RAB36: variants seen among roughly 807,000 people sequenced by gnomAD.
RAB36 encodes ras-related protein Rab-36.
Under a neutral mutation model 39.3 loss-of-function variants are expected in RAB36, and 33 were observed. That is an observed-to-expected ratio of 0.84 (90% confidence interval 0.64 to 1.12). RAB36 has a LOEUF of 1.12. Ranked by LOEUF, RAB36 falls within the 50% of genes most tolerant of loss-of-function variation. The pLI, the probability that RAB36 is intolerant of heterozygous loss-of-function variation, is 0.00. For missense variants in RAB36, 308 were observed against 355.3 expected (o/e 0.87, Z 1.07); for synonymous variants, 133 against 140.2 (o/e 0.95, Z 0.36).
intron 1 of RAB36, among the ~76,000 whole-genome samples, chr22:23,146,281 T>G (rs2070765115): frequency 6.6e-6 from 1 of 152,226 alleles, no homozygotes; most frequent in Admixed American, 6.5e-5. Context: ...CCTTCACGGT[T>G]CACTGCACCC....
intron 1 of RAB36, 73 bp downstream of exon 1, chr22:23,145,624 G>C (rs1267982059): frequency 6.8e-7 from 1 of 1,473,320 alleles, no homozygotes; most frequent in African/African-American, 1.4e-5. Context: ...CGAGGCCAGG[G>C]CCGCGAGGGC....
chr22:23,167,075 C>T (rs2072065756), downstream of RAB36, among the ~76,000 whole-genome samples: 1 of 152,072 alleles, frequency 6.6e-6, no homozygotes, highest in Non-Finnish European at 1.5e-5. Flanking sequence ...CACACCTGAG[C>T]ACCTCCTCCT....
downstream of RAB36, among the ~76,000 whole-genome samples, chr22:23,168,544 G>A (rs1464095276): frequency 6.6e-6 from 1 of 152,176 alleles, no homozygotes; most frequent in Non-Finnish European, 1.5e-5. Context: ...TGTGAGATGC[G>A]ATGCCCTCCC....
chr22:23,166,147 T>TAAAAAAAAAAA (rs695297), downstream of RAB36, among the ~76,000 whole-genome samples: 3 of 59,888 alleles, frequency 5.0e-5, no homozygotes, highest in African/African-American at 2.1e-4. Context: ...CTCTGTCTTT[T>TAAAAAAAAAAA]AAAAAAAAAA....
chr22:23,154,004 T>C (rs558679920), intron 5 of RAB36, among the ~76,000 whole-genome samples: 1 of 152,196 alleles, frequency 6.6e-6, no homozygotes, highest in South Asian at 2.1e-4. Context: ...CTGTTTGTCT[T>C]CCTTGCTAGG....
chr22:23,156,083 T>G, intron 6 of RAB36, 51 bp downstream of exon 6: 1 of 1,521,972 alleles, frequency 6.6e-7, no homozygotes, highest in Non-Finnish European at 9.0e-7. Context: ...GCGGGGTCCC[T>G]GCCGGGCTCC....
At chr22:23,166,150 A>T (rs1292753362), downstream of RAB36, among the ~76,000 whole-genome samples, 18 of 20,490 alleles carry the variant, frequency 8.8e-4, no homozygotes, top group African/African-American at 1.4e-3. Context: ...TGTCTTTTAA[A>T]AAAAAAAAAA....
chr22:23,151,896 C>T (rs1208960254), intron 3 of RAB36, among the ~76,000 whole-genome samples: 2 of 152,296 alleles, frequency 1.3e-5, no homozygotes, highest in South Asian at 4.1e-4. Flanking sequence ...TCGGGGTGTG[C>T]CCCTTGGCCT....
chr22:23,158,423 G>A (rs1000403512), intron 7 of RAB36, among the ~76,000 whole-genome samples: 3 of 152,216 alleles, frequency 2.0e-5, no homozygotes, highest in Non-Finnish European at 2.9e-5. Context: ...GAAGTGACAT[G>A]AATTTGGCAC....
intron 1 of RAB36, 84 bp from the exon 2 acceptor site, chr22:23,146,521 T>C: frequency 6.5e-7 from 1 of 1,539,926 alleles, no homozygotes; most frequent in South Asian, 1.2e-5. Flanking sequence ...CTGGATCTGA[T>C]GAAAAGTTAG....
intron 5 of RAB36, among the ~76,000 whole-genome samples, chr22:23,153,817 T>G (rs1426096946): frequency 1.3e-5 from 2 of 148,546 alleles, no homozygotes; most frequent in East Asian, 4.1e-4. Flanking sequence ...GCCTCCCAAG[T>G]AGGACAACAG....
chr22:23,148,973 C>A (rs2070954520), intron 2 of RAB36, among the ~76,000 whole-genome samples: 1 of 152,178 alleles, frequency 6.6e-6, no homozygotes, highest in South Asian at 2.1e-4. Context: ...TTATGAGCAT[C>A]CCTGTTTAAT....
chr22:23,149,939 T>C lies in RAB36; in HGVS notation c.70-124T>C, dbSNP rs1335381144. On this transcript the variant is annotated intron_variant, in intron 2 of 10. Transcript: ENST00000263116. Reference sequence around the variant, plus strand: ...TGACAAATGGGTCAGGGAAAGCTAATGAGGCTGCCAGCTGTGAGGCCTAGG... The same window carrying C: ...TGACAAATGGGTCAGGGAAAGCTAACGAGGCTGCCAGCTGTGAGGCCTAGG... 9 of 752,896 alleles carry C rather than the reference T, an allele frequency of 1.2e-5. No homozygotes were observed. In the Admixed American group the frequency reaches 1.8e-4, roughly 15 times the overall value. 46.6% of individuals were successfully genotyped at this position (752,896 alleles called of 1,614,324 possible).
chr22:23,161,110 C>A, intron 10 of RAB36, 112 bp downstream of exon 10: 3 of 1,340,320 alleles, frequency 2.2e-6, no homozygotes, highest in Non-Finnish European at 3.0e-6. Context: ...GTGGCCCTCT[C>A]CTGTCCTTTG....
chr22:23,146,670 C>T lies in RAB36; in HGVS notation c.54C>T (p.Ile18=), dbSNP rs750230318. The change falls in exon 2 of 11, where the codon ATC becomes ATT. Residue 18 remains isoleucine, a synonymous_variant. Transcript: ENST00000263116. ...LGPPVSRDRV[I]ASFPKWYTPE... is the part of the protein sequence containing the mutation. ...CCCCTGTGAGCCGCGACCGTGTCATCGCCAGCTTCCCTAAGGTAGAGAGTC... is the reference window on the plus strand; with the variant it reads ...CCCCTGTGAGCCGCGACCGTGTCATTGCCAGCTTCCCTAAGGTAGAGAGTC... The T allele has an allele frequency of 1.4e-5, 23 of 1,613,898 alleles. No homozygotes were observed. Among genetic ancestry groups the T allele is most frequent in the Admixed American group, 3.3e-5 (2 of 59,996 alleles).
rs2071954585 is a variant in RAB36, at chr22:23,163,844, G to C, written c.*2280G>C. ...CTGCCTGGCAGCCTGCCTTCCTAGG[G>C]AGCTGGCGCCAAGGCCTCTCCCTGA... On this transcript the variant is annotated 3_prime_UTR_variant, in exon 11 of 11. Transcript: ENST00000263116. 6.6e-6 allele frequency: 1 copy of C among 152,232 alleles called. No homozygotes were observed. Among genetic ancestry groups the C allele is most frequent in the Non-Finnish European group, 1.5e-5 (1 of 68,044 alleles). The allele number at this position is 152,232 out of a possible 1,614,324, so 9.4% of individuals were successfully genotyped here.
rs530241663 is a variant in RAB36 at position 23,164,818 on chromosome 22, T to C, written c.*3254T>C. 6.6e-6 allele frequency among the ~76,000 whole-genome samples: 1 copy of C among 152,258 alleles called. No homozygotes were observed. The highest frequency in any genetic ancestry group is 1.9e-4 in the East Asian group (1 of 5,172). ...GGAGACACGTACCTGAAGCAGGTCC[T>C]CTCCTGTCACTTCCTGGCTCCCCAG... On this transcript the variant is annotated 3_prime_UTR_variant, in exon 11 of 11. Coordinates refer to ENST00000263116, the MANE Select transcript of RAB36 (RefSeq NM_004914.5).
chr22:23,156,920 C>A (rs557480218), intron 6 of RAB36, among the ~76,000 whole-genome samples: 97 of 152,296 alleles, frequency 6.4e-4, no homozygotes, highest in Non-Finnish European at 1.1e-3. Flanking sequence ...CCTCAGTTTC[C>A]CCCTTCCTTT....
At chr22:23,158,772 C>A in intron 7 of RAB36, 126 bp from the exon 8 acceptor site, 1 of 812,470 alleles carries the variant, frequency 1.2e-6, no homozygotes, top group Admixed American at 2.1e-5. Context: ...CAGTGTGGGC[C>A]AGGAAGCCCT....
Sources: allele counts gnomAD v4.1 joint callset (sites outside exome capture counted in the v4.1 genomes callset), GRCh38; gene constraint gnomAD v4.1.1; transcripts MANE v1.5; gene names NCBI Gene and HGNC (gene_info 2026-07-23, HGNC 2026-07-21).